Variants in DCLK1 observed in about 807,000 individuals in gnomAD.
The protein encoded by DCLK1 is doublecortin like kinase 1, also known as serine/threonine-protein kinase DCLK1.
In DCLK1, 16 loss-of-function variants were observed where a neutral mutation model predicts 86.2. That is an observed-to-expected ratio of 0.19 (90% CI 0.13 to 0.28). The LOEUF is 0.28. DCLK1 is among the 10% of genes least tolerant of loss of function. The pLI, the probability that DCLK1 is intolerant of heterozygous loss-of-function variation, is 1.00. For missense variants in DCLK1, 590 were observed against 940.2 expected (o/e 0.63, Z 4.87); for synonymous variants, 369 against 370.5 (o/e 1.00, Z 0.05).
chr13:35,802,387 T>C (rs974895007), intron 15 of DCLK1, among the ~76,000 whole-genome samples: 1 of 151,980 alleles, frequency 6.6e-6, no homozygotes, highest in Non-Finnish European at 1.5e-5. Context: ...ATCTTTCCTC[T>C]ATGGCTCTTC....
chr13:35,857,932 TGGAGGCAGG>T (rs1157062925), intron 5 of DCLK1, among the ~76,000 whole-genome samples: 2 of 152,184 alleles, frequency 1.3e-5, no homozygotes, highest in Non-Finnish European at 2.9e-5. Flanking sequence ...AGGAATGAGA[TGGAGGCAGG>T]GGCCGCATAG....
chr13:36,021,744 C>T (rs1175798854), intron 3 of DCLK1, among the ~76,000 whole-genome samples: 4 of 151,832 alleles, frequency 2.6e-5, no homozygotes, highest in Admixed American at 2.6e-4. Flanking sequence ...CCCAAAACTA[C>T]CTGAAGGAAA....
chr13:35,991,130 A>T (rs1880199731), intron 3 of DCLK1, among the ~76,000 whole-genome samples: 1 of 152,174 alleles, frequency 6.6e-6, no homozygotes, highest in Non-Finnish European at 1.5e-5. Context: ...GCAGGTCATA[A>T]GACCCTCATG....
chr13:35,990,727 C>T (rs1264608325), intron 3 of DCLK1, among the ~76,000 whole-genome samples: 1 of 152,062 alleles, frequency 6.6e-6, no homozygotes. Flanking sequence ...GGTTTCCAAG[C>T]TCATTTTGAA....
rs1163985779 is a variant in DCLK1 at position 36,045,358 on chromosome 13, A to C, written c.723+66511T>G. On this transcript the variant is annotated intron_variant, in intron 3 of 16. Coordinates refer to ENST00000360631, the MANE Select transcript of DCLK1 (RefSeq NM_001330071.2). ...TATATATATATATATATATATATAT[A>C]TATATATATATATATATATTTCAAG... 2.4e-5 allele frequency among the ~76,000 whole-genome samples: 3 copies of C among 127,058 alleles called. 1 individual carries two copies. The highest frequency in any genetic ancestry group is 2.3e-4 in the East Asian group (1 of 4,382). 83.4% of individuals were successfully genotyped at this position (127,058 alleles called of 152,430 possible).
chr13:35,912,977 T>C (rs1875137255), intron 4 of DCLK1, among the ~76,000 whole-genome samples: 1 of 152,206 alleles, frequency 6.6e-6, no homozygotes. Flanking sequence ...ATCCTGCCCT[T>C]GCTCACTCAT....
At chr13:35,954,368 A>G (rs1393093654) in intron 3 of DCLK1, among the ~76,000 whole-genome samples, 1 of 152,184 alleles carries the variant, frequency 6.6e-6, no homozygotes, top group African/African-American at 2.4e-5. Context: ...CTAAATTGAG[A>G]GGAGGTTCCT....
intron 4 of DCLK1, among the ~76,000 whole-genome samples, chr13:35,918,118 G>T (rs1321844783): frequency 6.6e-6 from 1 of 152,116 alleles, no homozygotes; most frequent in Non-Finnish European, 1.5e-5. Context: ...CAAGCAAAAA[G>T]AATGAATCCT....
At chr13:36,120,718 G>A (rs1885956634) in intron 2 of DCLK1, among the ~76,000 whole-genome samples, 1 of 152,058 alleles carries the variant, frequency 6.6e-6, no homozygotes, top group South Asian at 2.1e-4. Context: ...ATGATGGAGA[G>A]GCAATGCACA....
chr13:36,026,471 C>T (rs576779059), intron 3 of DCLK1, among the ~76,000 whole-genome samples: 1 of 152,292 alleles, frequency 6.6e-6, no homozygotes, highest in African/African-American at 2.4e-5. Flanking sequence ...ATCAATTCTT[C>T]ATTAGCAGAT....
chr13:36,015,884 T>C (rs1290240406), intron 3 of DCLK1, among the ~76,000 whole-genome samples: 1 of 152,226 alleles, frequency 6.6e-6, no homozygotes, highest in Non-Finnish European at 1.5e-5. Context: ...TAGAAGACTG[T>C]CCTCATGACC....
At chr13:36,040,352 A>T (rs1566656691) in intron 3 of DCLK1, among the ~76,000 whole-genome samples, 1 of 133,600 alleles carries the variant, frequency 7.5e-6, no homozygotes, top group African/African-American at 2.8e-5. Flanking sequence ...AGAGATTTGC[A>T]GGGTATTCCT....
chr13:35,956,570 T>C (rs1468673757), intron 3 of DCLK1, among the ~76,000 whole-genome samples: 2 of 47,256 alleles, frequency 4.2e-5, no homozygotes, highest in Non-Finnish European at 8.9e-5. Context: ...GGGAGTGATA[T>C]TGGACATAAC....
intron 3 of DCLK1, among the ~76,000 whole-genome samples, chr13:36,107,024 TAATCAAGTA>T (rs1885420694): frequency 6.6e-6 from 1 of 152,180 alleles, no homozygotes; most frequent in Non-Finnish European, 1.5e-5. Context: ...CCATTTCCTG[TAATCAAGTA>T]AACTCCTATA....
At chr13:36,021,297 CACTT>C (rs755689900) in intron 3 of DCLK1, among the ~76,000 whole-genome samples, 4 of 145,582 alleles carry the variant, frequency 2.7e-5, no homozygotes, top group Admixed American at 6.8e-5. Context: ...TACTAGAAAA[CACTT>C]ATTTAATTGA....
chr13:35,984,566 C>T (rs928244740), intron 3 of DCLK1, among the ~76,000 whole-genome samples: 1 of 152,170 alleles, frequency 6.6e-6, no homozygotes, highest in Non-Finnish European at 1.5e-5. Context: ...CTGCCTGAAC[C>T]GTCTGCCTCT....
intron 1 of DCLK1, among the ~76,000 whole-genome samples, chr13:36,130,009 T>G (rs1886308789): frequency 6.6e-6 from 1 of 152,120 alleles, no homozygotes; most frequent in Non-Finnish European, 1.5e-5. Context: ...ATGCTGGACC[T>G]GGAAGTCCCA....
chr13:35,786,920 G>T (rs1226512313), intron 16 of DCLK1, among the ~76,000 whole-genome samples: 1 of 151,992 alleles, frequency 6.6e-6, no homozygotes, highest in Non-Finnish European at 1.5e-5. Flanking sequence ...TGAGCTTTGG[G>T]TGTTTTCTTG....
chr13:35,792,142 A>G (rs2086717536), intron 16 of DCLK1, among the ~76,000 whole-genome samples: 1 of 152,264 alleles, frequency 6.6e-6, no homozygotes, highest in South Asian at 2.1e-4. Context: ...ACTGAGGAAC[A>G]TCTGGAAGAG....
Sources: gnomAD v4.1 joint callset for allele counts (sites outside exome capture counted in the v4.1 genomes callset) on GRCh38, gnomAD v4.1.1 for gene constraint, MANE v1.5 for transcripts, NCBI Gene and HGNC (gene_info 2026-07-23, HGNC 2026-07-21) for gene names.